The following CCDC73 variants were observed in gnomAD, a reference collection of about 807,000 sequenced individuals.
CCDC73 encodes coiled-coil domain-containing protein 73.
CCDC73 carries 95 observed loss-of-function variants against 116.5 expected under a neutral mutation model. The ratio of observed to expected loss-of-function variants is 0.82; its 90% CI spans 0.69 to 0.97. The LOEUF is 0.97. CCDC73 is among the 50% of genes least tolerant of loss of function. The pLI, the probability that CCDC73 is intolerant of heterozygous loss-of-function variation, is 0.00. For synonymous variants in CCDC73, 398 were observed against 401.3 expected (o/e 0.99, Z 0.10); for missense variants, 1,066 against 1,206.8 (o/e 0.88, Z 1.73).
chr11:32,647,483 A>G (rs1460600772), intron 12 of CCDC73, among the ~76,000 whole-genome samples: 1 of 152,166 alleles, frequency 6.6e-6, no homozygotes, highest in Admixed American at 6.5e-5. Flanking sequence ...TATCTAAACC[A>G]TATCAGAGGC....
At chr11:32,648,529 T>C (rs1855798892) in intron 12 of CCDC73, among the ~76,000 whole-genome samples, 1 of 152,156 alleles carries the variant, frequency 6.6e-6, no homozygotes, top group South Asian at 2.1e-4. Flanking sequence ...AGTGGAAATG[T>C]TGCTGTCCTT....
intron 7 of CCDC73, among the ~76,000 whole-genome samples, chr11:32,678,505 A>G (rs2133290443): frequency 6.6e-6 from 1 of 152,344 alleles, no homozygotes; most frequent in Non-Finnish European, 1.5e-5. Flanking sequence ...CCCATCATAT[A>G]AAAATCACAA....
At chr11:32,704,602 C>CTGGCAGGAAGGGATG (rs1849840474) in intron 3 of CCDC73, among the ~76,000 whole-genome samples, 1 of 152,174 alleles carries the variant, frequency 6.6e-6, no homozygotes, top group South Asian at 2.1e-4. Flanking sequence ...GGAGGTGCTC[C>CTGGCAGGAAGGGATG]TGGCAGGAAG....
At chr11:32,734,553 T>C (rs1265927556) in intron 2 of CCDC73, among the ~76,000 whole-genome samples, 7 of 151,890 alleles carry the variant, frequency 4.6e-5, no homozygotes, top group Non-Finnish European at 2.9e-5. Flanking sequence ...CTGGTTTTCC[T>C]AGGCAGAGGA....
At chr11:32,682,513 A>G (rs933397732) in intron 7 of CCDC73, 17 of 151,948 alleles carry the variant, frequency 1.1e-4, no homozygotes, top group African/African-American at 3.9e-4. Context: ...ATGTTTTTCT[A>G]TGTAATGTCA....
intron 14 of CCDC73, among the ~76,000 whole-genome samples, chr11:32,620,343 T>A (rs567020228): frequency 2.6e-5 from 4 of 152,184 alleles, no homozygotes; most frequent in African/African-American, 9.6e-5. Flanking sequence ...GGGAGAAGGA[T>A]AAACACACAT....
intron 6 of CCDC73, among the ~76,000 whole-genome samples, chr11:32,684,393 G>C (rs1301016787): frequency 2.0e-5 from 3 of 152,090 alleles, no homozygotes; most frequent in African/African-American, 7.2e-5. Flanking sequence ...CTTTAAAAAA[G>C]AGCCAGTAGA....
intron 7 of CCDC73, among the ~76,000 whole-genome samples, chr11:32,679,302 C>G (rs1178951515): frequency 2.6e-5 from 4 of 152,104 alleles, no homozygotes; most frequent in Non-Finnish European, 5.9e-5. Context: ...TGTCTAGAAA[C>G]CTAACACAAT....
At chr11:32,631,591 A>C (rs1422112032) in intron 14 of CCDC73, among the ~76,000 whole-genome samples, 1 of 151,184 alleles carries the variant, frequency 6.6e-6, no homozygotes, top group African/African-American at 2.4e-5. Context: ...AAGGAAAGGA[A>C]GGAAAGGAAG....
rs375808053 is a variant in CCDC73, at chr11:32,614,799, C to T, written c.1519G>A (p.Asp507Asn). ...TCTGTAGTAACTGATTTTCTGTTGT[C>T]CGTAACATTCGAGGTTTGTCCTTGA... ...ISQGQTSNVTDNRKSVTTEIK... is the reference protein window; with the variant it reads ...ISQGQTSNVTNNRKSVTTEIK... The change falls in exon 16 of 18, where the codon GAC becomes AAC. Residue 507 changes from aspartate to asparagine, a missense_variant. Physicochemically the swap from Asp to Asn is conservative, Grantham distance 23. Transcript: ENST00000335185. 6 of 1,613,236 alleles carry T rather than the reference C, an allele frequency of 3.7e-6. No individual in the cohort carries two copies. Among genetic ancestry groups the T allele is most frequent in the South Asian group, 3.3e-5 (3 of 91,046 alleles).
chr11:32,689,867 C>T (rs1590595511), intron 6 of CCDC73, among the ~76,000 whole-genome samples: 1 of 152,062 alleles, frequency 6.6e-6, no homozygotes, highest in East Asian at 1.9e-4. Flanking sequence ...TGGTGGCGGG[C>T]GCCTGTGGTC....
intron 2 of CCDC73, among the ~76,000 whole-genome samples, chr11:32,733,115 A>C (rs1286228029): frequency 2.0e-5 from 3 of 152,230 alleles, no homozygotes; most frequent in Non-Finnish European, 4.4e-5. Flanking sequence ...TAGGTGTTGC[A>C]ATCCTAGTCT....
chr11:32,605,186 A>T, intron 17 of CCDC73: 1 of 146,996 alleles, frequency 6.8e-6, no homozygotes. Context: ...TTTTTAATGA[A>T]CTTAAATGTT....
intron 14 of CCDC73, among the ~76,000 whole-genome samples, chr11:32,631,619 AGGG>A (rs1474092992): frequency 6.6e-6 from 1 of 151,424 alleles, no homozygotes; most frequent in African/African-American, 2.4e-5. Flanking sequence ...AGGGAAGGGA[AGGG>A]AAGGGACGGG....
intron 1 of CCDC73, among the ~76,000 whole-genome samples, chr11:32,764,483 T>C: frequency 6.6e-6 from 1 of 152,188 alleles, no homozygotes. Flanking sequence ...AAAAGAATTT[T>C]CAACCCAGAA....
At chr11:32,646,544 T>A (rs927716452) in intron 12 of CCDC73, among the ~76,000 whole-genome samples, 2 of 152,258 alleles carry the variant, frequency 1.3e-5, no homozygotes, top group African/African-American at 4.8e-5. Flanking sequence ...ATGGTTCTAT[T>A]GTCTTCTACG....
chr11:32,689,142 AC>A (rs1476808173), intron 6 of CCDC73, among the ~76,000 whole-genome samples: 2 of 152,214 alleles, frequency 1.3e-5, no homozygotes, highest in African/African-American at 4.8e-5. Flanking sequence ...CTGGTCCAAA[AC>A]CAAAAATTAT....
At chr11:32,741,034 A>C (rs1850178945) in intron 2 of CCDC73, among the ~76,000 whole-genome samples, 1 of 152,148 alleles carries the variant, frequency 6.6e-6, no homozygotes, top group Non-Finnish European at 1.5e-5. Flanking sequence ...GTCAAAGAAA[A>C]TACTTGATAT....
intron 3 of CCDC73, among the ~76,000 whole-genome samples, chr11:32,717,668 T>C (rs1454129122): frequency 1.3e-5 from 2 of 152,170 alleles, no homozygotes; most frequent in East Asian, 1.9e-4. Flanking sequence ...ATAGATGCTA[T>C]AAATACTAAT....
Sources: allele counts gnomAD v4.1 joint callset (sites outside exome capture counted in the v4.1 genomes callset), GRCh38; gene constraint gnomAD v4.1.1; transcripts MANE v1.5; gene names NCBI Gene and HGNC (gene_info 2026-07-23, HGNC 2026-07-21).